The following SDK1 variants were observed in gnomAD, a reference collection of about 807,000 sequenced individuals.
SDK1 encodes protein sidekick-1.
SDK1 carries 157 observed loss-of-function variants against 245.5 expected under a neutral mutation model. The observed-to-expected ratio is 0.64, with a 90% CI of 0.56 to 0.73. The LOEUF is 0.73. Ranked by LOEUF, SDK1 falls within the 30% of genes least tolerant of loss-of-function variation. The pLI is 0.00. For synonymous variants in SDK1, 1,647 were observed against 1,278.5 expected (o/e 1.29, Z -6.15); for missense variants, 3,583 against 3,002.3 (o/e 1.19, Z -4.52).
rs1779758854 is a variant in SDK1, at chr7:3,319,909, T to A, written c.298+18025T>A. On this transcript the variant is annotated intron_variant, in intron 1 of 44. Transcript: ENST00000404826. ...TTTTTTTTTTTTGCATTTGCTTTTC[T>A]GAAAATTTGAGCATTGAAAGGGAGG... is the stretch of plus-strand genomic sequence containing the variant. 1.5e-5 allele frequency among the ~76,000 whole-genome samples: 2 copies of A among 134,746 alleles called. 1 individual carries two copies. The highest frequency in any genetic ancestry group is 5.3e-5 in the African/African-American group (2 of 37,520). 88.4% of individuals were successfully genotyped at this position (134,746 alleles called of 152,430 possible).
At chr7:3,645,461 T>G (rs748121846) in intron 4 of SDK1, among the ~76,000 whole-genome samples, 5 of 152,296 alleles carry the variant, frequency 3.3e-5, no homozygotes, top group Non-Finnish European at 7.4e-5. Flanking sequence ...TGGATATGTG[T>G]TTTTCTCCAC....
chr7:3,384,456 G>C (rs1473832264), intron 1 of SDK1, among the ~76,000 whole-genome samples: 1 of 152,194 alleles, frequency 6.6e-6, no homozygotes, highest in Non-Finnish European at 1.5e-5. Context: ...TATGCTTTTA[G>C]AAGAGTCACA....
chr7:3,568,504 A>G (rs1048797047), intron 1 of SDK1, among the ~76,000 whole-genome samples: 16 of 152,200 alleles, frequency 1.1e-4, no homozygotes, highest in African/African-American at 3.9e-4. Flanking sequence ...ATTAACATTC[A>G]AGAAGTTTTT....
chr7:4,217,736 T>C (rs1430659613), intron 38 of SDK1, among the ~76,000 whole-genome samples: 1 of 152,140 alleles, frequency 6.6e-6, no homozygotes, highest in East Asian at 1.9e-4. Flanking sequence ...TTAATGGTGG[T>C]GGTTTATGGG....
At chr7:4,220,940 C>T (rs1027367519) in intron 39 of SDK1, among the ~76,000 whole-genome samples, 1 of 146,500 alleles carries the variant, frequency 6.8e-6, no homozygotes, top group Non-Finnish European at 1.5e-5. Flanking sequence ...CAAGCCACCA[C>T]ACCTGGCTAC....
intron 4 of SDK1, among the ~76,000 whole-genome samples, chr7:3,702,432 C>T (rs1363346846): frequency 6.6e-6 from 1 of 152,134 alleles, no homozygotes; most frequent in Non-Finnish European, 1.5e-5. Flanking sequence ...ATTCGTGGCT[C>T]CTGCAGAGGT....
chr7:3,655,711 G>A (rs377654932), intron 4 of SDK1, among the ~76,000 whole-genome samples: 6 of 151,718 alleles, frequency 4.0e-5, no homozygotes, highest in East Asian at 1.9e-4. Context: ...AAATAGATAA[G>A]TGTTTCTTGG....
chr7:3,516,368 C>T (rs1782752280), intron 1 of SDK1, among the ~76,000 whole-genome samples: 1 of 152,042 alleles, frequency 6.6e-6, no homozygotes, highest in Non-Finnish European at 1.5e-5. Flanking sequence ...TACCATCCTG[C>T]TGGGTGATGC....
chr7:3,633,085 C>A (rs912435335), intron 2 of SDK1, among the ~76,000 whole-genome samples: 1 of 150,584 alleles, frequency 6.6e-6, no homozygotes, highest in South Asian at 2.1e-4. Flanking sequence ...ATTTTTTTTT[C>A]ATTTTAAGGA....
chr7:4,087,375 C>T (rs375280865), intron 22 of SDK1, among the ~76,000 whole-genome samples: 1 of 152,134 alleles, frequency 6.6e-6, no homozygotes, highest in Admixed American at 6.5e-5. Context: ...GTTATTCATG[C>T]ACTAATTCCA....
At chr7:3,786,359 T>C (rs1298379218) in intron 4 of SDK1, among the ~76,000 whole-genome samples, 2 of 152,226 alleles carry the variant, frequency 1.3e-5, no homozygotes, top group South Asian at 2.1e-4. Flanking sequence ...ATACGTGATA[T>C]TAATTGAAAT....
At chr7:3,350,070 C>T (rs1780617804) in intron 1 of SDK1, among the ~76,000 whole-genome samples, 1 of 152,256 alleles carries the variant, frequency 6.6e-6, no homozygotes, top group East Asian at 1.9e-4. Context: ...AACAAAAGGT[C>T]ATGCTATTGG....
At chr7:4,070,572 T>C (rs1780185558) in intron 20 of SDK1, among the ~76,000 whole-genome samples, 2 of 152,082 alleles carry the variant, frequency 1.3e-5, no homozygotes, top group African/African-American at 4.8e-5. Context: ...TCCAGCTACA[T>C]AGCAAACCCA....
chr7:3,620,741 A>G (rs554878629), intron 2 of SDK1, among the ~76,000 whole-genome samples: 1 of 152,144 alleles, frequency 6.6e-6, no homozygotes, highest in South Asian at 2.1e-4. Flanking sequence ...AGCTGCCCCC[A>G]TCAAAGGCAT....
chr7:3,945,899 T>TAAAA (rs754101246), intron 5 of SDK1, among the ~76,000 whole-genome samples: 251 of 13,670 alleles, frequency 0.018, 61 homozygotes, highest in Non-Finnish European at 0.021. Flanking sequence ...ACTCTGTCTG[T>TAAAA]AAAAAAAAAA....
intron 1 of SDK1, among the ~76,000 whole-genome samples, chr7:3,585,521 G>A (rs1780657758): frequency 6.6e-6 from 1 of 152,212 alleles, no homozygotes; most frequent in Admixed American, 6.5e-5. Context: ...ATGGTAGCTG[G>A]AGGAGTGGAG....
At chr7:3,863,652 A>T (rs1399618297) in intron 5 of SDK1, among the ~76,000 whole-genome samples, 1 of 151,954 alleles carries the variant, frequency 6.6e-6, no homozygotes, top group Non-Finnish European at 1.5e-5. Context: ...GAATGTTCCT[A>T]CTCTGTGAAG....
In SDK1 at chr7:4,268,830, C is replaced by G. The variant is rs1002153300; in HGVS notation, c.*3446C>G. 4 of 1,072,600 alleles carry G rather than the reference C, an allele frequency of 3.7e-6. No individual in the cohort carries two copies. In the African/African-American group the frequency reaches 6.5e-5, roughly 17 times the overall value. 66.4% of individuals were successfully genotyped at this position (1,072,600 alleles called of 1,614,324 possible). A position where few individuals can be genotyped will look rare whatever the true frequency, so the allele number is the denominator to read the frequency against. On this transcript the variant is annotated 3_prime_UTR_variant, in exon 45 of 45. Transcript: ENST00000404826. ...CCCGCTGGGACACGTCTCCTTCCCG[C>G]GTCACCTTCTGGTTTAGGGAGCCGT...
chr7:4,219,861 G>T (rs1345889227), intron 38 of SDK1, among the ~76,000 whole-genome samples: 1 of 143,874 alleles, frequency 7.0e-6, no homozygotes, highest in African/African-American at 2.6e-5. Context: ...TGAGACGGCA[G>T]CCTCCCCCTT....
Sources: allele counts gnomAD v4.1 joint callset (sites outside exome capture counted in the v4.1 genomes callset), GRCh38; gene constraint gnomAD v4.1.1; transcripts MANE v1.5; gene names NCBI Gene and HGNC (gene_info 2026-07-23, HGNC 2026-07-21).